LINC00305: variants seen among roughly 807,000 people sequenced by gnomAD.
The protein encoded by LINC00305 is long independently transcribed non-coding RNA 305.
At chr18:64,105,756 C>T (rs769158800) in intron 1 of LINC00305, among the ~76,000 whole-genome samples, 1 of 152,144 alleles carries the variant, frequency 6.6e-6, no homozygotes, top group Non-Finnish European at 1.5e-5. Context: ...AGAGGCCACA[C>T]CTGATCCAAT....
intron 1 of LINC00305, among the ~76,000 whole-genome samples, chr18:64,120,476 A>T (rs2051357127): frequency 1.3e-5 from 2 of 151,870 alleles, no homozygotes; most frequent in South Asian, 2.1e-4. Flanking sequence ...TTAGTTTTAT[A>T]GCGTTTAGAG....
intron 3 of LINC00305, among the ~76,000 whole-genome samples, chr18:64,094,417 G>C (rs2051236941): frequency 6.6e-6 from 1 of 152,168 alleles, no homozygotes; most frequent in African/African-American, 2.4e-5. Flanking sequence ...TGGGCAGAGA[G>C]CACAACACCC....
chr18:64,119,674 GGGA>G (rs2051353036), intron 1 of LINC00305, among the ~76,000 whole-genome samples: 1 of 152,086 alleles, frequency 6.6e-6, no homozygotes, highest in Non-Finnish European at 1.5e-5. Context: ...GTGAAGGAAT[GGGA>G]GGAGAAGTAC....
At chr18:64,113,005 A>G (rs2144251429) in intron 1 of LINC00305, among the ~76,000 whole-genome samples, 1 of 152,348 alleles carries the variant, frequency 6.6e-6, no homozygotes, top group Non-Finnish European at 1.5e-5. Context: ...TAGGTTGGAA[A>G]CTGACAGTAA....
At chr18:64,122,195 C>T (rs1461434764) in intron 1 of LINC00305, among the ~76,000 whole-genome samples, 1 of 152,028 alleles carries the variant, frequency 6.6e-6, no homozygotes. Flanking sequence ...GTTTAAGTCT[C>T]ATTTGTCTAT....
At chr18:64,096,058 A>C (rs1030341830) in intron 3 of LINC00305, among the ~76,000 whole-genome samples, 2 of 152,068 alleles carry the variant, frequency 1.3e-5, no homozygotes, top group South Asian at 2.1e-4. Context: ...AAAATGAATA[A>C]AACTTTCCTA....
chr18:64,102,385 G>A (rs1387034160), intron 1 of LINC00305, among the ~76,000 whole-genome samples: 2 of 152,082 alleles, frequency 1.3e-5, no homozygotes, highest in African/African-American at 2.4e-5. Context: ...TTCATTATAA[G>A]TAGACATTTA....
In LINC00305 at chr18:64,136,034, C is replaced by G. The variant is rs1357742776; in HGVS notation, n.314+12741G>C. Among the ~76,000 whole-genome samples the G allele has an allele frequency of 2.6e-5, 4 of 152,306 alleles. No individual in the cohort carries two copies. In the East Asian group the frequency reaches 7.7e-4, roughly 29 times the overall value. Reference sequence around the variant, plus strand: ...TTGCATCTAATGGCCCAGCTCCGACCAGGTGCTTACCCAGACTACCCCTTC... The same window carrying G: ...TTGCATCTAATGGCCCAGCTCCGACGAGGTGCTTACCCAGACTACCCCTTC... On this transcript the variant is annotated intron_variant and non_coding_transcript_variant, in intron 1 of 3. Coordinates refer to ENST00000666468, the Ensembl canonical transcript of LINC00305.
intron 1 of LINC00305, among the ~76,000 whole-genome samples, chr18:64,104,760 A>G (rs926567471): frequency 6.6e-6 from 1 of 152,142 alleles, no homozygotes; most frequent in Non-Finnish European, 1.5e-5. Context: ...CTTCCCCAGG[A>G]CAAACAAAAT....
At chr18:64,089,360 C>T (rs1193851445) in intron 3 of LINC00305, among the ~76,000 whole-genome samples, 2 of 152,160 alleles carry the variant, frequency 1.3e-5, no homozygotes, top group Admixed American at 6.5e-5. Context: ...CTGAGGCCTC[C>T]CCAGCCATGC....
chr18:64,136,919 G>T (rs1407683665), intron 1 of LINC00305, among the ~76,000 whole-genome samples: 1 of 152,146 alleles, frequency 6.6e-6, no homozygotes, highest in Non-Finnish European at 1.5e-5. Context: ...GAAGGATAGT[G>T]GTGCTGTTTG....
intron 1 of LINC00305, among the ~76,000 whole-genome samples, chr18:64,117,245 C>T (rs2051341831): frequency 6.6e-6 from 1 of 152,116 alleles, no homozygotes; most frequent in Non-Finnish European, 1.5e-5. Context: ...ATTATCATCC[C>T]CAAAGCCTTC....
chr18:64,144,384 G>A (rs2051486679), intron 1 of LINC00305, among the ~76,000 whole-genome samples: 1 of 152,090 alleles, frequency 6.6e-6, no homozygotes, highest in Non-Finnish European at 1.5e-5. Context: ...ATGGAATTAA[G>A]GAAAAAGCAG....
chr18:64,143,611 TATGTACACATATGTATGTACAC>T lies in LINC00305; in HGVS notation n.314+5142_314+5163del. On this transcript the variant is annotated intron_variant and non_coding_transcript_variant, in intron 1 of 3. Coordinates refer to ENST00000666468, the Ensembl canonical transcript of LINC00305. ...ATATGTACACATATGTATATGTACA[TATGTACACATATGTATGTACAC>T]GTATTATGTATACATATGTATGTAC... 4.4e-5 allele frequency among the ~76,000 whole-genome samples: 5 copies of T among 114,754 alleles called. 1 individual carries two copies. Among genetic ancestry groups the T allele is most frequent in the African/African-American group, 7.0e-5 (2 of 28,628 alleles). The allele number at this position is 114,754 out of a possible 152,430, so 75.3% of individuals were successfully genotyped here.
intron 1 of LINC00305, chr18:64,148,655 T>C (rs1330508868): frequency 6.6e-6 from 1 of 152,186 alleles, no homozygotes; most frequent in African/African-American, 2.4e-5. Flanking sequence ...GCTATTCTTT[T>C]TCTTAGAGCC....
At chr18:64,085,971 C>G (rs776411636) in intron 3 of LINC00305, among the ~76,000 whole-genome samples, 27 of 152,180 alleles carry the variant, frequency 1.8e-4, no homozygotes, top group Non-Finnish European at 3.4e-4. Flanking sequence ...CATTTCTTTG[C>G]AGTTGTCCAT....
chr18:64,128,034 T>C (rs1227826881), intron 1 of LINC00305, among the ~76,000 whole-genome samples: 1 of 152,122 alleles, frequency 6.6e-6, no homozygotes, highest in Non-Finnish European at 1.5e-5. Context: ...TTTTGGGTTT[T>C]TTTTCTTTTT....
chr18:64,087,586 A>G (rs950205275), intron 3 of LINC00305, among the ~76,000 whole-genome samples: 8 of 152,216 alleles, frequency 5.3e-5, no homozygotes, highest in Non-Finnish European at 1.2e-4. Flanking sequence ...AATATATTTT[A>G]AAAACCTAGA....
chr18:64,148,271 C>T (rs1381932503), intron 1 of LINC00305, among the ~76,000 whole-genome samples: 1 of 151,980 alleles, frequency 6.6e-6, no homozygotes, highest in Non-Finnish European at 1.5e-5. Context: ...AGCATCTGAA[C>T]CTATAGTGAC....
Sources: gnomAD v4.1 joint callset for allele counts (sites outside exome capture counted in the v4.1 genomes callset) on GRCh38, gnomAD v4.1.1 for gene constraint, MANE v1.5 for transcripts, NCBI Gene and HGNC (gene_info 2026-07-23, HGNC 2026-07-21) for gene names.